Variants in RIC8B observed in about 807,000 individuals in gnomAD.
RIC8B encodes the protein RIC8 guanine nucleotide exchange factor B.
In RIC8B, 16 loss-of-function variants were observed where a neutral mutation model predicts 57.5. That is an observed-to-expected ratio of 0.28 (90% CI 0.19 to 0.42). RIC8B has a LOEUF of 0.42. Among genes scored for constraint, RIC8B ranks in the 10% least tolerant of loss-of-function variants. RIC8B has a pLI of 1.00. For missense variants in RIC8B, 481 were observed against 677.0 expected, an observed-to-expected ratio of 0.71 and a Z score of 3.21; for synonymous variants, 216 against 250.8, an observed-to-expected ratio of 0.86 and a Z score of 1.31.
chr12:106,810,063 A>G (rs1003393266), intron 2 of RIC8B, among the ~76,000 whole-genome samples: 5 of 151,234 alleles, frequency 3.3e-5, no homozygotes, highest in Non-Finnish European at 5.9e-5. Context: ...TTCTTAGGAA[A>G]AAATAAAACA....
intron 4 of RIC8B, 133 bp downstream of exon 4, chr12:106,825,953 A>G: frequency 1.6e-6 from 1 of 619,676 alleles, no homozygotes; most frequent in Non-Finnish European, 2.9e-6. Context: ...GGTAGGTCAG[A>G]AATCATTATC....
intron 2 of RIC8B, among the ~76,000 whole-genome samples, chr12:106,800,041 T>C (rs550817472): frequency 6.6e-6 from 1 of 152,268 alleles, no homozygotes; most frequent in Non-Finnish European, 1.5e-5. Context: ...ACATAACCAC[T>C]TCTTTGTATG....
intron 2 of RIC8B, among the ~76,000 whole-genome samples, chr12:106,800,744 G>A (rs115619580): frequency 6.6e-6 from 1 of 152,124 alleles, no homozygotes; most frequent in Admixed American, 6.6e-5. Context: ...GTTCAGAGTG[G>A]CTAATTGAGT....
At chr12:106,813,945 A>T (rs1391956588) in intron 2 of RIC8B, among the ~76,000 whole-genome samples, 1 of 152,188 alleles carries the variant, frequency 6.6e-6, no homozygotes, top group Non-Finnish European at 1.5e-5. Context: ...CTTTTTAGGA[A>T]ATATAAGATA....
intron 8 of RIC8B, among the ~76,000 whole-genome samples, chr12:106,866,588 G>A (rs1182841761): frequency 6.6e-6 from 1 of 152,038 alleles, no homozygotes; most frequent in Non-Finnish European, 1.5e-5. Flanking sequence ...CTTTCGTAGG[G>A]GTTGCAAATT....
chr12:106,865,824 C>CTA (rs1348487277), intron 8 of RIC8B, among the ~76,000 whole-genome samples: 1 of 152,196 alleles, frequency 6.6e-6, no homozygotes, highest in African/African-American at 2.4e-5. Flanking sequence ...CCCTTTCTTG[C>CTA]TATACTATTG....
chr12:106,785,663 C>T (rs2043969481), intron 2 of RIC8B, among the ~76,000 whole-genome samples: 1 of 152,034 alleles, frequency 6.6e-6, no homozygotes, highest in African/African-American at 2.4e-5. Flanking sequence ...CTTTTTAGAA[C>T]AGGGATTCTC....
At chr12:106,782,793 A>G (rs945279819) in intron 1 of RIC8B, among the ~76,000 whole-genome samples, 3 of 152,232 alleles carry the variant, frequency 2.0e-5, no homozygotes, top group African/African-American at 7.2e-5. Context: ...GTCAACACAG[A>G]ACCACCTGTG....
intron 7 of RIC8B, among the ~76,000 whole-genome samples, chr12:106,856,589 C>T (rs1169166066): frequency 1.3e-5 from 2 of 152,204 alleles, no homozygotes; most frequent in African/African-American, 4.8e-5. Flanking sequence ...TGAAGACCTT[C>T]CAGGCAGAGT....
At chr12:106,837,496 A>C (rs956004615) in intron 4 of RIC8B, among the ~76,000 whole-genome samples, 1 of 152,206 alleles carries the variant, frequency 6.6e-6, no homozygotes, top group Admixed American at 6.5e-5. Flanking sequence ...ATGCCAGAGA[A>C]TAAGTTCTGT....
intron 7 of RIC8B, among the ~76,000 whole-genome samples, chr12:106,852,024 C>T (rs1949498473): frequency 6.6e-6 from 1 of 152,154 alleles, no homozygotes; most frequent in African/African-American, 2.4e-5. Flanking sequence ...CCAATCAGTA[C>T]TTACTGAATG....
At position 106,833,289 on chromosome 12, in the gene RIC8B, A is replaced by G. The variant is rs12822281; in HGVS notation, c.836+7469A>G. On this transcript the variant is annotated intron_variant, in intron 4 of 9. Coordinates refer to ENST00000392837, the MANE Select transcript of RIC8B (RefSeq NM_001330145.2). ...TTAATATTTTAAAATAGATTTTTAAAATTAACCTGCCACAAACTTTCAAAA... is the reference window on the plus strand; with the variant it reads ...TTAATATTTTAAAATAGATTTTTAAGATTAACCTGCCACAAACTTTCAAAA... Among the ~76,000 whole-genome samples the G allele has an allele frequency of 6.3e-3, 966 of 152,312 alleles. 6 individuals carry two copies. Among genetic ancestry groups the G allele is most frequent in the Non-Finnish European group, 0.011 (723 of 68,028 alleles).
intron 2 of RIC8B, among the ~76,000 whole-genome samples, chr12:106,803,150 T>TAC (rs2044821050): frequency 7.1e-6 from 1 of 141,216 alleles, no homozygotes; most frequent in African/African-American, 2.7e-5. Context: ...AGTTCGAAGT[T>TAC]ACAGTGAGCT....
intron 2 of RIC8B, among the ~76,000 whole-genome samples, chr12:106,793,489 G>C (rs2044346805): frequency 6.6e-6 from 1 of 152,234 alleles, no homozygotes; most frequent in Non-Finnish European, 1.5e-5. Context: ...CAGCTACTTT[G>C]CTAGGAGGAA....
rs972348106 is a variant in RIC8B, at chr12:106,797,983, G to A, written c.132+13939G>A. The A allele has an allele frequency of 9.5e-5, 67 of 703,082 alleles. 1 individual carries two copies. In the Middle Eastern group the frequency reaches 7.0e-3, roughly 73 times the overall value. 43.6% of individuals were successfully genotyped at this position (703,082 alleles called of 1,614,324 possible). On this transcript the variant is annotated intron_variant, in intron 2 of 9. Transcript: ENST00000392837. ...ATTTATTTCCTGATTTTAGGCACCC[G>A]AAATGTGAGATTTGATGGAGAACAT...
chr12:106,785,468 A>T (rs938695499), intron 2 of RIC8B, among the ~76,000 whole-genome samples: 1 of 152,184 alleles, frequency 6.6e-6, no homozygotes, highest in Admixed American at 6.5e-5. Context: ...CTTGTTTCTT[A>T]ATTATATATC....
In RIC8B at chr12:106,853,572, G is replaced by A. The variant is rs191211632; in HGVS notation, c.1306+1978G>A. On this transcript the variant is annotated intron_variant, in intron 7 of 9. Transcript: ENST00000392837. ...CAACCTCCGCCTCCCAGGTTGAAGC[G>A]ATTCTCCTGCCTCAGCCGTCTGAGT... 1.1e-3 allele frequency among the ~76,000 whole-genome samples: 157 copies of A among 145,224 alleles called. No individual in the cohort carries two copies. The East Asian group carries it at 0.022, about 20-fold the overall frequency.
intron 4 of RIC8B, among the ~76,000 whole-genome samples, chr12:106,830,109 T>C (rs1365387169): frequency 6.6e-6 from 1 of 152,214 alleles, no homozygotes; most frequent in Admixed American, 6.5e-5. Context: ...AATGAGTAAG[T>C]GTGAGTTCTC....
intron 2 of RIC8B, among the ~76,000 whole-genome samples, chr12:106,801,365 CA>C (rs1169212580): frequency 6.6e-6 from 1 of 152,100 alleles, no homozygotes; most frequent in East Asian, 1.9e-4. Flanking sequence ...TGCTAATTAG[CA>C]AAAAAGTTTG....
Sources: gnomAD v4.1 joint callset for allele counts (sites outside exome capture counted in the v4.1 genomes callset) on GRCh38, gnomAD v4.1.1 for gene constraint, MANE v1.5 for transcripts, NCBI Gene and HGNC (gene_info 2026-07-23, HGNC 2026-07-21) for gene names.